The following ARB2A variants were observed in gnomAD, a reference collection of about 807,000 sequenced individuals.
ARB2A encodes the protein ARB2 cotranscriptional regulator A.
the ARB2A span, among the ~76,000 whole-genome samples, chr5:93,848,096 G>C: frequency 1.2e-3 from 178 of 152,270 alleles, no homozygotes; most frequent in African/African-American, 4.1e-3. Context: ...TTAAAAAAGA[G>C]AGATGGTGCC....
At chr5:93,642,525 T>A in the ARB2A span, among the ~76,000 whole-genome samples, 2 of 152,050 alleles carry the variant, frequency 1.3e-5, no homozygotes, top group East Asian at 3.9e-4. Flanking sequence ...GTGTGCACCA[T>A]CACGCCTGGC....
the ARB2A span, among the ~76,000 whole-genome samples, chr5:93,924,870 C>T: frequency 6.6e-6 from 1 of 152,094 alleles, no homozygotes. Context: ...TCCACTTTAG[C>T]TTACTGAAAG....
At chr5:93,778,326 G>T in the ARB2A span, among the ~76,000 whole-genome samples, 2 of 152,182 alleles carry the variant, frequency 1.3e-5, no homozygotes, top group South Asian at 2.1e-4. Context: ...TCTAGATAAT[G>T]CAGAAGATTA....
At chr5:94,110,789 G>A in the ARB2A span, among the ~76,000 whole-genome samples, 6 of 152,290 alleles carry the variant, frequency 3.9e-5, no homozygotes, top group East Asian at 1.2e-3. Context: ...ATAAAAACCA[G>A]AGAATTTTTC....
chr5:94,004,963 C>A, the ARB2A span, among the ~76,000 whole-genome samples: 1 of 129,022 alleles, frequency 7.8e-6, no homozygotes, highest in African/African-American at 3.0e-5. Flanking sequence ...TACTACCCAG[C>A]ACCTCAACAC....
At chr5:93,937,003 C>T in the ARB2A span, among the ~76,000 whole-genome samples, 18 of 146,328 alleles carry the variant, frequency 1.2e-4, no homozygotes, top group East Asian at 6.1e-4. Flanking sequence ...TGCAGTGGCG[C>T]GATCTTGGCT....
At chr5:93,731,442 C>T in the ARB2A span, among the ~76,000 whole-genome samples, 1 of 152,204 alleles carries the variant, frequency 6.6e-6, no homozygotes, top group African/African-American at 2.4e-5. Flanking sequence ...TGCCCACAAA[C>T]TCATCTCAGA....
chr5:94,107,451 C>T, the ARB2A span, among the ~76,000 whole-genome samples: 13 of 150,468 alleles, frequency 8.6e-5, no homozygotes, highest in East Asian at 2.0e-3. Flanking sequence ...TTTAAATGAG[C>T]TTTATAACTG....
chr5:93,971,569 AAAATAAATAAATAAAT>A, the ARB2A span, among the ~76,000 whole-genome samples: 5 of 139,356 alleles, frequency 3.6e-5, no homozygotes, highest in Admixed American at 7.2e-5. Context: ...CTCCGTCTCA[AAAATAAATAAATAAAT>A]AAATAAATAA....
At chr5:93,800,381 T>TCACA in the ARB2A span, among the ~76,000 whole-genome samples, 11,618 of 140,930 alleles carry the variant, frequency 0.082, 540 homozygotes, top group East Asian at 0.19. Flanking sequence ...CTGCATATTT[T>TCACA]CACACACACA....
the ARB2A span, among the ~76,000 whole-genome samples, chr5:93,876,363 G>T: frequency 4.6e-5 from 7 of 152,048 alleles, no homozygotes; most frequent in Non-Finnish European, 1.0e-4. Flanking sequence ...GATGTGTATT[G>T]CCTAGACCAA....
chr5:93,654,385 T>A, the ARB2A span, among the ~76,000 whole-genome samples: 1 of 152,194 alleles, frequency 6.6e-6, no homozygotes, highest in Non-Finnish European at 1.5e-5. Flanking sequence ...TAGGAGCATA[T>A]TTTTCTATAA....
the ARB2A span, among the ~76,000 whole-genome samples, chr5:94,082,379 T>C: frequency 2.0e-5 from 3 of 152,300 alleles, no homozygotes; most frequent in Non-Finnish European, 4.4e-5. Flanking sequence ...TCCCAGACAT[T>C]GTACCAAATT....
At chr5:94,090,834 T>C in the ARB2A span, among the ~76,000 whole-genome samples, 1 of 152,206 alleles carries the variant, frequency 6.6e-6, no homozygotes, top group Non-Finnish European at 1.5e-5. Context: ...ATTTATTGAT[T>C]TGTGTATGTT....
At chr5:94,083,543 AC>A in the ARB2A span, among the ~76,000 whole-genome samples, 3 of 152,206 alleles carry the variant, frequency 2.0e-5, no homozygotes, top group Non-Finnish European at 4.4e-5. Context: ...GGTTAAAAAA[AC>A]AAGCAAACAA....
chr5:94,077,822 C>T, the ARB2A span, among the ~76,000 whole-genome samples: 2 of 152,122 alleles, frequency 1.3e-5, no homozygotes, highest in African/African-American at 4.8e-5. Context: ...ATATGGTTTC[C>T]TAGAAATGGT....
At chr5:93,975,982 C>T in the ARB2A span, among the ~76,000 whole-genome samples, 342 of 152,146 alleles carry the variant, frequency 2.2e-3, no homozygotes, top group African/African-American at 7.9e-3. Context: ...AGAGACCAAT[C>T]AATCCTCAAC....
the ARB2A span, among the ~76,000 whole-genome samples, chr5:93,673,855 T>G: frequency 6.6e-6 from 1 of 152,188 alleles, no homozygotes; most frequent in African/African-American, 2.4e-5. Context: ...ATTTTTTTAA[T>G]TTAGTGGATT....
At chr5:94,106,147 T>G in the ARB2A span, among the ~76,000 whole-genome samples, 1 of 151,796 alleles carries the variant, frequency 6.6e-6, no homozygotes, top group African/African-American at 2.4e-5. Context: ...CTAATTAAAC[T>G]AAAGAGCCTC....
Sources: gnomAD v4.1 joint callset for allele counts (sites outside exome capture counted in the v4.1 genomes callset) on GRCh38, gnomAD v4.1.1 for gene constraint, MANE v1.5 for transcripts, NCBI Gene and HGNC (gene_info 2026-07-23, HGNC 2026-07-21) for gene names.